Variants in PLCB1 observed in about 807,000 individuals in gnomAD.
The protein encoded by PLCB1 is 1-phosphatidylinositol 4,5-bisphosphate phosphodiesterase beta-1.
Under a neutral mutation model 161.8 loss-of-function variants are expected in PLCB1, and 46 were observed. The ratio of observed to expected loss-of-function variants is 0.28; its 90% CI spans 0.22 to 0.36. The LOEUF (loss-of-function observed/expected upper bound fraction) is 0.36, where lower values mean the gene tolerates loss of function less well. PLCB1 is among the 10% of genes least tolerant of loss of function. The probability of loss-of-function intolerance (pLI) is 1.00; values close to 1 mark genes in which losing one functional copy is unlikely to be tolerated. For missense variants in PLCB1, 1,016 were observed against 1,472.5 expected, an observed-to-expected ratio of 0.69 and a Z score of 5.07; for synonymous variants, 517 against 503.7, an observed-to-expected ratio of 1.03 and a Z score of -0.35.
At position 8,323,807 on chromosome 20, in the gene PLCB1, A is replaced by C. The variant is rs532754726; in HGVS notation, c.178-47575A>C. ...TTACCTTTCATCATCATAGGGCCTTATTGGTATTTGCAAGCCTAGTTCACT... is the reference window on the plus strand; with the variant it reads ...TTACCTTTCATCATCATAGGGCCTTCTTGGTATTTGCAAGCCTAGTTCACT... On this transcript the variant is annotated intron_variant, in intron 2 of 31. Coordinates refer to ENST00000338037, the MANE Select transcript of PLCB1 (RefSeq NM_015192.4). Among the ~76,000 whole-genome samples, 4 of 151,588 alleles carry C rather than the reference A, an allele frequency of 2.6e-5. No individual in the cohort carries two copies. In the East Asian group the frequency reaches 7.8e-4, roughly 30 times the overall value.
intron 3 of PLCB1, among the ~76,000 whole-genome samples, chr20:8,570,213 A>G (rs567937502): frequency 3.6e-4 from 55 of 152,286 alleles, no homozygotes; most frequent in African/African-American, 1.1e-3. Context: ...ACTATCAGCT[A>G]CAAGCCTGTC....
chr20:8,619,168 G>A (rs1988111182), intron 3 of PLCB1, among the ~76,000 whole-genome samples: 2 of 152,120 alleles, frequency 1.3e-5, no homozygotes, highest in Non-Finnish European at 1.5e-5. Flanking sequence ...CGGGTGCGGT[G>A]GCTCATGCCT....
intron 26 of PLCB1, among the ~76,000 whole-genome samples, chr20:8,771,817 A>G (rs1600313746): frequency 6.6e-6 from 1 of 152,088 alleles, no homozygotes; most frequent in Non-Finnish European, 1.5e-5. Context: ...TCCTGAAAAC[A>G]CCTCAGATAA....
chr20:8,435,265 C>T (rs933302081), intron 3 of PLCB1, among the ~76,000 whole-genome samples: 3 of 148,996 alleles, frequency 2.0e-5, no homozygotes, highest in Non-Finnish European at 4.5e-5. Context: ...TCTGAGATGG[C>T]CTTCAGAATC....
chr20:8,817,716 A>T (rs1985145285), intron 31 of PLCB1, among the ~76,000 whole-genome samples: 1 of 152,222 alleles, frequency 6.6e-6, no homozygotes, highest in South Asian at 2.1e-4. Flanking sequence ...CATGAAAGCA[A>T]TCACAATGAA....
At chr20:8,331,160 G>T (rs978287864) in intron 2 of PLCB1, among the ~76,000 whole-genome samples, 6 of 152,104 alleles carry the variant, frequency 3.9e-5, no homozygotes, top group African/African-American at 1.4e-4. Context: ...GTGGAATTGG[G>T]CTTAACCTCC....
intron 3 of PLCB1, among the ~76,000 whole-genome samples, chr20:8,567,231 A>G (rs1359450054): frequency 6.6e-6 from 1 of 152,192 alleles, no homozygotes; most frequent in African/African-American, 2.4e-5. Flanking sequence ...TCCAGGGACG[A>G]TGGGCCAAGT....
chr20:8,544,401 T>C (rs1985454785), intron 3 of PLCB1, among the ~76,000 whole-genome samples: 1 of 152,186 alleles, frequency 6.6e-6, no homozygotes, highest in Non-Finnish European at 1.5e-5. Flanking sequence ...TCAGGATTTA[T>C]GAGATAGATT....
intron 16 of PLCB1, 35 bp downstream of exon 16, chr20:8,724,787 C>A: frequency 1.8e-6 from 2 of 1,090,058 alleles, no homozygotes; most frequent in Non-Finnish European, 2.8e-6. Context: ...CCTCTTGCAG[C>A]ATATAATGAT....
intron 2 of PLCB1, among the ~76,000 whole-genome samples, chr20:8,163,785 C>G (rs1600209479): frequency 6.6e-6 from 1 of 152,290 alleles, no homozygotes; most frequent in South Asian, 2.1e-4. Context: ...TCCCACCAGG[C>G]TAGCCTACCT....
intron 2 of PLCB1, among the ~76,000 whole-genome samples, chr20:8,221,143 T>C (rs1178057238): frequency 6.6e-6 from 1 of 152,174 alleles, no homozygotes; most frequent in Non-Finnish European, 1.5e-5. Context: ...TCAATGTTAA[T>C]GATTATTACT....
chr20:8,556,983 AAAATAAATAAAT>A lies in PLCB1; in HGVS notation c.247-71291_247-71280del, dbSNP rs60833598. Reference sequence around the variant, plus strand: ...TAGCTATTATTGATAATAAATAAATAAAATAAATAAATAAATAAATAAATAAATAAAATAAAT... The same window carrying A: ...TAGCTATTATTGATAATAAATAAATAAAATAAATAAATAAATAAAATAAAT... On this transcript the variant is annotated intron_variant, in intron 3 of 31. Transcript: ENST00000338037. Among the ~76,000 whole-genome samples, 12 of 143,308 alleles carry A rather than the reference AAAATAAATAAAT, an allele frequency of 8.4e-5. No homozygotes were observed. The South Asian group carries it at 8.7e-4, about 10-fold the overall frequency. The allele number at this position is 143,308 out of a possible 152,430, so 94.0% of individuals were successfully genotyped here.
intron 31 of PLCB1, among the ~76,000 whole-genome samples, chr20:8,828,112 C>T (rs1985797783): frequency 1.3e-5 from 2 of 152,202 alleles, no homozygotes; most frequent in African/African-American, 4.8e-5. Flanking sequence ...ATCTAGAATT[C>T]ATGCCCAGAT....
At position 8,697,798 on chromosome 20, in the gene PLCB1, T is replaced by TATTACTAA. The variant is rs1990613453; in HGVS notation, c.1167+15_1167+16insATTACTAA. The TATTACTAA allele has an allele frequency of 6.2e-7, 1 of 1,612,890 alleles. No homozygotes were observed. The highest frequency in any genetic ancestry group is 1.7e-5 in the Admixed American group (1 of 59,982). ...TATCTTTCAAGGTAGAGTATATGAATGTTACTAAGAGAGGCAGCTGGAGAC... is the reference window on the plus strand; with the variant it reads ...TATCTTTCAAGGTAGAGTATATGAATATTACTAAGTTACTAAGAGAGGCAGCTGGAGAC... On this transcript the variant is annotated intron_variant, in intron 11 of 31. Coordinates refer to ENST00000338037, the MANE Select transcript of PLCB1 (RefSeq NM_015192.4).
intron 2 of PLCB1, among the ~76,000 whole-genome samples, chr20:8,166,962 G>A (rs963402944): frequency 3.9e-5 from 6 of 152,082 alleles, no homozygotes; most frequent in East Asian, 3.8e-4. Flanking sequence ...TCTAGCTCCC[G>A]TATTAGGTTT....
intron 11 of PLCB1, among the ~76,000 whole-genome samples, chr20:8,708,361 C>T (rs1978806822): frequency 6.6e-6 from 1 of 151,886 alleles, no homozygotes; most frequent in Non-Finnish European, 1.5e-5. Flanking sequence ...TCTTACTGTC[C>T]CAAATGTTTA....
chr20:8,434,853 T>G (rs559204140), intron 3 of PLCB1, among the ~76,000 whole-genome samples: 1 of 152,262 alleles, frequency 6.6e-6, no homozygotes, highest in Admixed American at 6.5e-5. Context: ...TAAAATTTTC[T>G]AAGGCAGGGC....
In PLCB1 at chr20:8,303,624, G is replaced by A. The variant is rs891530574; in HGVS notation, c.178-67758G>A. On this transcript the variant is annotated intron_variant, in intron 2 of 31. Coordinates refer to ENST00000338037, the MANE Select transcript of PLCB1 (RefSeq NM_015192.4). ...AAACAGTGAAAATACTACTTTTTAC[G>A]CTTTGAAATGGCTTTTTATGTCCAG... is the stretch of plus-strand genomic sequence containing the variant. Among the ~76,000 whole-genome samples the A allele has an allele frequency of 1.1e-4, 16 of 152,228 alleles. 1 individual carries two copies. Among genetic ancestry groups the A allele is most frequent in the South Asian group, 6.2e-4 (3 of 4,830 alleles).
intron 2 of PLCB1, among the ~76,000 whole-genome samples, chr20:8,200,625 G>T (rs1366113740): frequency 1.3e-5 from 2 of 151,768 alleles, no homozygotes; most frequent in Non-Finnish European, 2.9e-5. Context: ...ACAATCTTTT[G>T]AATTTTAATA....
Sources: allele counts gnomAD v4.1 joint callset (sites outside exome capture counted in the v4.1 genomes callset), GRCh38; gene constraint gnomAD v4.1.1; transcripts MANE v1.5; gene names NCBI Gene and HGNC (gene_info 2026-07-23, HGNC 2026-07-21).